ZBTB44: variants seen among roughly 807,000 people sequenced by gnomAD.
ZBTB44 encodes zinc finger and BTB domain-containing protein 44.
In ZBTB44, 15 loss-of-function variants were observed where a neutral mutation model predicts 54.0. The ratio of observed to expected loss-of-function variants is 0.28; its 90% CI spans 0.19 to 0.43. The LOEUF is 0.43. ZBTB44 is among the 20% of genes least tolerant of loss of function. ZBTB44 has a pLI of 1.00. For synonymous variants in ZBTB44, 230 were observed against 250.1 expected, an observed-to-expected ratio of 0.92 and a Z score of 0.76; for missense variants, 487 against 707.1, an observed-to-expected ratio of 0.69 and a Z score of 3.53.
chr11:130,308,615 GCATT>G (rs1942406643), intron 1 of ZBTB44, among the ~76,000 whole-genome samples: 1 of 152,208 alleles, frequency 6.6e-6, no homozygotes, highest in Non-Finnish European at 1.5e-5. Flanking sequence ...ACAAATGTTA[GCATT>G]ATTATCAACA....
At chr11:130,264,688 TTTCCC>T (rs1939124287) in intron 1 of ZBTB44, among the ~76,000 whole-genome samples, 2 of 152,308 alleles carry the variant, frequency 1.3e-5, no homozygotes, top group Non-Finnish European at 2.9e-5. Context: ...ATCACATGCA[TTTCCC>T]AATATGTCTG....
At chr11:130,306,319 A>C (rs972015125) in intron 1 of ZBTB44, among the ~76,000 whole-genome samples, 1 of 152,070 alleles carries the variant, frequency 6.6e-6, no homozygotes, top group Non-Finnish European at 1.5e-5. Context: ...CCTGACCAAC[A>C]TGGAGAAAAC....
intron 2 of ZBTB44, among the ~76,000 whole-genome samples, chr11:130,245,965 C>A (rs1412376734): frequency 6.6e-6 from 1 of 152,190 alleles, no homozygotes; most frequent in Non-Finnish European, 1.5e-5. Context: ...ATGTCTAGAT[C>A]CCCTGATTCA....
At chr11:130,253,835 G>A (rs1004027699) in intron 2 of ZBTB44, among the ~76,000 whole-genome samples, 1 of 152,198 alleles carries the variant, frequency 6.6e-6, no homozygotes, top group African/African-American at 2.4e-5. Context: ...CAAGGCTACA[G>A]TAACCAAAAC....
At chr11:130,240,143 G>A (rs1001883556) in intron 2 of ZBTB44, among the ~76,000 whole-genome samples, 1 of 149,958 alleles carries the variant, frequency 6.7e-6, no homozygotes, top group Non-Finnish European at 1.5e-5. Context: ...CTGGGTTTAC[G>A]CCATTCTCCT....
In ZBTB44 at chr11:130,236,953, A is replaced by G. The variant is rs1322307633; in HGVS notation, c.1408T>C (p.Tyr470His). ...CSATFTSFGE[Y>H]KHHMRVSRHI... Reference sequence around the variant, plus strand: ...CGGGAAACCCTCATGTGGTGTTTATATTCCCCGAAGGAAGTGAAAGTGGCA... The same window carrying G: ...CGGGAAACCCTCATGTGGTGTTTATGTTCCCCGAAGGAAGTGAAAGTGGCA... The change falls in exon 5 of 8, where the codon TAT (tyrosine) becomes CAT (histidine). Residue 470 changes from tyrosine (Y) to histidine (H), a missense_variant. Coordinates refer to ENST00000357899, the MANE Select transcript of ZBTB44 (RefSeq NM_001301098.2). 1.2e-6 allele frequency: 2 copies of G among 1,613,150 alleles called. No homozygotes were observed. Among genetic ancestry groups the G allele is most frequent in the South Asian group, 1.1e-5 (1 of 91,004 alleles).
At chr11:130,305,753 CTAAT>C (rs1942230491) in intron 1 of ZBTB44, among the ~76,000 whole-genome samples, 1 of 151,970 alleles carries the variant, frequency 6.6e-6, no homozygotes, top group African/African-American at 2.4e-5. Context: ...TAAATGGGAC[CTAAT>C]TAAACTAAAA....
At chr11:130,244,378 G>T (rs540500600) in intron 2 of ZBTB44, among the ~76,000 whole-genome samples, 22 of 152,178 alleles carry the variant, frequency 1.4e-4, no homozygotes, top group African/African-American at 4.6e-4. Context: ...TAATGAAAAT[G>T]AAAATGTGGC....
At chr11:130,260,012 G>A (rs1295761534) in intron 2 of ZBTB44, among the ~76,000 whole-genome samples, 2 of 151,800 alleles carry the variant, frequency 1.3e-5, no homozygotes, top group Non-Finnish European at 2.9e-5. Context: ...AATCTAAAAA[G>A]ATAAATAAAT....
chr11:130,282,738 C>T (rs1473224696), intron 1 of ZBTB44, among the ~76,000 whole-genome samples: 2 of 152,188 alleles, frequency 1.3e-5, no homozygotes, highest in Non-Finnish European at 2.9e-5. Flanking sequence ...CCACCTTAAA[C>T]GGTTCACATT....
rs946283524 is a variant in ZBTB44, at chr11:130,261,746, C to A, written c.128G>T (p.Arg43Leu). 1 of 1,613,860 alleles carries A rather than the reference C, an allele frequency of 6.2e-7. No homozygotes were observed. The highest frequency in any genetic ancestry group is 1.3e-5 in the African/African-American group (1 of 74,914). ...AGCTGCTAGTACCACCTTATGTGCC[C>A]GGAAGATTTTGTCCTGGACACGAAT... Reference protein sequence around the residue: ...ITIRVQDKIFRAHKVVLAACS... With the variant: ...ITIRVQDKIFLAHKVVLAACS... Residue 43 changes from arginine to leucine, a missense_variant, in exon 2 of 8, where the codon CGG (arginine) becomes CTG (leucine). By Grantham distance (102) the Arg-to-Leu change is moderately radical. Transcript: ENST00000357899. The surrounding 1 kb of genome is among the most constrained non-coding windows in gnomAD (Gnocchi z 4.8).
intron 2 of ZBTB44, among the ~76,000 whole-genome samples, chr11:130,249,430 A>C (rs1433683290): frequency 6.6e-6 from 1 of 152,176 alleles, no homozygotes; most frequent in Non-Finnish European, 1.5e-5. Flanking sequence ...TTTGACCCCA[A>C]TTCAGGAATA....
chr11:130,257,053 G>C (rs1938497854), intron 2 of ZBTB44, among the ~76,000 whole-genome samples: 1 of 151,908 alleles, frequency 6.6e-6, no homozygotes, highest in African/African-American at 2.4e-5. Flanking sequence ...AACTCAAGCT[G>C]ATAAACAACT....
At chr11:130,314,201 A>G (rs952236207) in intron 1 of ZBTB44, among the ~76,000 whole-genome samples, 174 bp downstream of exon 1, 4 of 152,090 alleles carry the variant, frequency 2.6e-5, no homozygotes, top group African/African-American at 9.7e-5. Flanking sequence ...TCCTCCCAGA[A>G]GGATTAAATG....
In ZBTB44 at chr11:130,238,573, T is replaced by C. The variant is rs1188944387; in HGVS notation, c.1138A>G (p.Ile380Val). The C allele has an allele frequency of 3.1e-6, 5 of 1,613,012 alleles. No individual in the cohort carries two copies. Among genetic ancestry groups the C allele is most frequent in the South Asian group, 2.2e-5 (2 of 90,752 alleles). ...TCTGTACTGCTGGTGGAAGGAGCAA[T>C]GTAGAGTTGGTAGGGATACTGAACA... ...ENVQYPYQLY[I>V]APSTSSTERP... Residue 380 changes from isoleucine to valine, a missense_variant, in exon 4 of 8, where the codon ATT (isoleucine) becomes GTT (valine). By Grantham distance (29) the Ile-to-Val change is conservative. Coordinates refer to ENST00000357899, the MANE Select transcript of ZBTB44 (RefSeq NM_001301098.2).
chr11:130,238,363 C>T, intron 4 of ZBTB44, 81 bp downstream of exon 4: 1 of 1,400,514 alleles, frequency 7.1e-7, no homozygotes, highest in Non-Finnish European at 9.4e-7. Flanking sequence ...TCAGAAGCCC[C>T]TGTTTTCTAT....
chr11:130,242,755 G>A (rs918768095), intron 2 of ZBTB44, among the ~76,000 whole-genome samples: 1 of 152,048 alleles, frequency 6.6e-6, no homozygotes, highest in South Asian at 2.1e-4. Context: ...TCTCTACAAT[G>A]TATCTAGGTC....
chr11:130,311,444 A>G (rs1367140816), intron 1 of ZBTB44, among the ~76,000 whole-genome samples: 1 of 152,116 alleles, frequency 6.6e-6, no homozygotes. Context: ...CCTGGGCTCA[A>G]GCAATCCTTC....
Position 130,251,131 on chromosome 11 carries a change from G to A in ZBTB44, c.1018+9725C>T, listed in dbSNP as rs138561257. ...CTGACAGAGCTAAAAAACACAGCAC[G>A]AGAACTTCACAAAGCATACACAAGT... On this transcript the variant is annotated intron_variant, in intron 2 of 7. Transcript: ENST00000357899. 4.6e-5 allele frequency among the ~76,000 whole-genome samples: 7 copies of A among 152,244 alleles called. No homozygotes were observed. The South Asian group carries it at 8.3e-4, about 18-fold the overall frequency.
Sources: gnomAD v4.1 joint callset for allele counts (sites outside exome capture counted in the v4.1 genomes callset) on GRCh38, gnomAD v4.1.1 for gene constraint, Gnocchi (gnomAD v3.1) non-coding constraint, MANE v1.5 for transcripts, NCBI Gene and HGNC (gene_info 2026-07-23, HGNC 2026-07-21) for gene names.